The following JCAD variants were observed in gnomAD, a reference collection of about 807,000 sequenced individuals.
JCAD encodes junctional cadherin 5 associated.
JCAD carries 40 observed loss-of-function variants against 98.0 expected under a neutral mutation model. That is an observed-to-expected ratio of 0.41 (90% CI 0.32 to 0.53). The LOEUF (loss-of-function observed/expected upper bound fraction) is 0.53. Among genes scored for constraint, JCAD ranks in the 20% least tolerant of loss-of-function variants. The pLI, the probability that JCAD is intolerant of heterozygous loss-of-function variation, is 0.31. For synonymous variants in JCAD, 691 were observed against 682.3 expected, an observed-to-expected ratio of 1.01 and a Z score of -0.20; for missense variants, 1,705 against 1,738.1, an observed-to-expected ratio of 0.98 and a Z score of 0.34.
chr10:30,059,201 C>G lies in JCAD; in HGVS notation c.-60+281G>C, dbSNP rs1484248075. 6.6e-6 allele frequency among the ~76,000 whole-genome samples: 1 copy of G among 151,644 alleles called. No homozygotes were observed. Among genetic ancestry groups the G allele is most frequent in the Non-Finnish European group, 1.5e-5 (1 of 67,852 alleles). Reference sequence around the variant, plus strand: ...CCCGCGGTGCCCGCCCCGGGACCCCCGCGCTCCGAGCGGGGCACCTGAGGG... The same window carrying G: ...CCCGCGGTGCCCGCCCCGGGACCCCGGCGCTCCGAGCGGGGCACCTGAGGG... On this transcript the variant is annotated intron_variant, in intron 1 of 3. Coordinates refer to ENST00000375377, the MANE Select transcript of JCAD (RefSeq NM_020848.4). This position sits in a 1 kb window ranked among gnomAD's most constrained non-coding sequence, Gnocchi z 5.0.
chr10:30,087,220 A>C (rs1406068435), intron 1 of JCAD, among the ~76,000 whole-genome samples: 1 of 152,122 alleles, frequency 6.6e-6, no homozygotes, highest in Admixed American at 6.5e-5. Context: ...AGGCGGGCGG[A>C]TCACCTAAGG....
intron 1 of JCAD, among the ~76,000 whole-genome samples, chr10:30,080,019 TATAAG>T (rs1210068005): frequency 1.1e-4 from 16 of 152,280 alleles, no homozygotes; most frequent in African/African-American, 2.9e-4. Context: ...AAAAAACTCC[TATAAG>T]ATAATTTCCT....
At chr10:30,043,577 A>C (rs1837282070) in intron 2 of JCAD, among the ~76,000 whole-genome samples, 3 of 138,018 alleles carry the variant, frequency 2.2e-5, no homozygotes, top group Admixed American at 1.5e-4. Context: ...TGCAGTCTTT[A>C]TAGGCCTCTC....
chr10:30,059,592 A>G (rs1291882703), upstream of JCAD: 1 of 129,356 alleles, frequency 7.7e-6, no homozygotes, highest in Non-Finnish European at 1.5e-5. The surrounding 1 kb of genome is among the most constrained non-coding windows in gnomAD (Gnocchi z 5.0). Context: ...TGCCCGGAGA[A>G]CCGCCGTCCG....
intron 2 of JCAD, among the ~76,000 whole-genome samples, chr10:30,042,889 C>T (rs1294938166): frequency 6.6e-6 from 1 of 152,180 alleles, no homozygotes; most frequent in African/African-American, 2.4e-5. Flanking sequence ...AGGAGGGCCC[C>T]TGAGCCAGGG....
chr10:30,111,592 A>C (rs1226682274), intron 1 of JCAD, among the ~76,000 whole-genome samples: 2 of 152,232 alleles, frequency 1.3e-5, no homozygotes, highest in African/African-American at 2.4e-5. Context: ...TTAAATAAGT[A>C]AAAATGTGAT....
intron 1 of JCAD, among the ~76,000 whole-genome samples, chr10:30,105,821 A>C (rs1838567845): frequency 6.6e-6 from 1 of 152,248 alleles, no homozygotes; most frequent in Admixed American, 6.5e-5. Flanking sequence ...TAGCATTGAC[A>C]TTAATTGACA....
upstream of JCAD, among the ~76,000 whole-genome samples, chr10:30,061,966 A>G (rs1391291559): frequency 1.3e-5 from 2 of 152,230 alleles, no homozygotes; most frequent in Admixed American, 1.3e-4. Flanking sequence ...CAGTCAGTGA[A>G]TTGAGATTAG....
At chr10:30,098,952 C>A (rs1159978649) in intron 1 of JCAD, among the ~76,000 whole-genome samples, 1 of 152,068 alleles carries the variant, frequency 6.6e-6, no homozygotes, top group East Asian at 1.9e-4. Context: ...TTTCAGTTTC[C>A]TTCACTTGGT....
rs1836464125 is a variant in JCAD at position 30,013,329 on chromosome 10, T to A, written c.*4554A>T. The A allele has an allele frequency of 6.6e-6, 1 of 152,096 alleles. No homozygotes were observed. The highest frequency in any genetic ancestry group is 1.9e-4 in the East Asian group (1 of 5,176). 9.4% of individuals were successfully genotyped at this position (152,096 alleles called of 1,614,324 possible). ...TGTTTCAAGGGGGGGAAAAAAAGTT[T>A]CTTTGGAGTTGCAAGGCCTTGTCTT... On this transcript the variant is annotated 3_prime_UTR_variant, in exon 4 of 4. Coordinates refer to ENST00000375377, the MANE Select transcript of JCAD (RefSeq NM_020848.4).
intron 2 of JCAD, among the ~76,000 whole-genome samples, chr10:30,035,044 C>T (rs1426115904): frequency 3.3e-5 from 5 of 152,126 alleles, no homozygotes; most frequent in Non-Finnish European, 5.9e-5. Context: ...GGCTTTGACG[C>T]GTTTTTCTCA....
At chr10:30,036,620 G>A (rs1167696711) in intron 2 of JCAD, among the ~76,000 whole-genome samples, 1 of 152,190 alleles carries the variant, frequency 6.6e-6, no homozygotes, top group Non-Finnish European at 1.5e-5. Flanking sequence ...CGGGATAGAT[G>A]TGTGGATTAA....
chr10:30,093,085 A>G (rs906948297), intron 1 of JCAD, among the ~76,000 whole-genome samples: 8 of 152,202 alleles, frequency 5.3e-5, no homozygotes, highest in African/African-American at 1.9e-4. Flanking sequence ...AAAAAAGAAT[A>G]GAATAGACTA....
At chr10:30,037,158 C>T (rs1837132229) in intron 2 of JCAD, among the ~76,000 whole-genome samples, 1 of 152,246 alleles carries the variant, frequency 6.6e-6, no homozygotes, top group Non-Finnish European at 1.5e-5. Flanking sequence ...TAACATGCTT[C>T]TGTGATGGCC....
chr10:30,065,509 T>G (rs996300252), intron 2 of JCAD, among the ~76,000 whole-genome samples: 1 of 150,066 alleles, frequency 6.7e-6, no homozygotes, highest in East Asian at 1.9e-4. Context: ...ATCGCATAAT[T>G]TTTTTTTTTT....
intron 3 of JCAD, among the ~76,000 whole-genome samples, chr10:30,024,105 C>T (rs1343282190): frequency 6.6e-6 from 1 of 152,146 alleles, no homozygotes; most frequent in Non-Finnish European, 1.5e-5. Flanking sequence ...TTCAAGGCTA[C>T]AGGGAGCTAT....
At chr10:30,051,170 TA>T (rs1454132587) in intron 1 of JCAD, among the ~76,000 whole-genome samples, 1 of 152,114 alleles carries the variant, frequency 6.6e-6, no homozygotes, top group Admixed American at 6.5e-5. Context: ...GCATTAAAAT[TA>T]AAAACCATAT....
intron 1 of JCAD, among the ~76,000 whole-genome samples, chr10:30,099,454 T>A (rs1838432950): frequency 6.6e-6 from 1 of 152,124 alleles, no homozygotes; most frequent in African/African-American, 2.4e-5. Flanking sequence ...TAGTACCAAT[T>A]TCTTGATATA....
At chr10:30,087,214 G>A (rs549416707) in intron 1 of JCAD, among the ~76,000 whole-genome samples, 21 of 152,218 alleles carry the variant, frequency 1.4e-4, no homozygotes, top group South Asian at 8.3e-4. Flanking sequence ...AGGCCGAGGC[G>A]GGCGGATCAC....
Sources: allele counts gnomAD v4.1 joint callset (sites outside exome capture counted in the v4.1 genomes callset), GRCh38; gene constraint gnomAD v4.1.1; non-coding constraint Gnocchi (gnomAD v3.1); transcripts MANE v1.5; gene names NCBI Gene and HGNC (gene_info 2026-07-23, HGNC 2026-07-21).